LUC7L2: variants seen among roughly 807,000 people sequenced by gnomAD.
The protein encoded by LUC7L2 is putative RNA-binding protein Luc7-like 2.
LUC7L2 carries 25 observed loss-of-function variants against 52.8 expected under a neutral mutation model. That is an observed-to-expected ratio of 0.47 (90% CI 0.34 to 0.66). LUC7L2 has a LOEUF of 0.66. Among genes scored for constraint, LUC7L2 ranks in the 30% least tolerant of loss-of-function variants. LUC7L2 has a pLI of 0.01. For synonymous variants in LUC7L2, 144 were observed against 160.9 expected, an observed-to-expected ratio of 0.89 and a Z score of 0.80; for missense variants, 328 against 497.8, an observed-to-expected ratio of 0.66 and a Z score of 3.25.
At chr7:139,387,257 G>C (rs188064769) in intron 2 of LUC7L2, among the ~76,000 whole-genome samples, 1 of 152,084 alleles carries the variant, frequency 6.6e-6, no homozygotes, top group African/African-American at 2.4e-5. Context: ...GCAGTGGCGC[G>C]ATCTCGGCTC....
chr7:139,340,636 G>C (rs9655911), intron 1 of LUC7L2: 29,693 of 396,700 alleles, frequency 0.075, 3,517 homozygotes, highest in African/African-American at 0.36. Context: ...CGAAAATGAA[G>C]TGACGATGAC....
chr7:139,353,528 T>A (rs938763291), intron 1 of LUC7L2, among the ~76,000 whole-genome samples: 2 of 152,122 alleles, frequency 1.3e-5, no homozygotes, highest in Non-Finnish European at 1.5e-5. Flanking sequence ...CTAAGATGAA[T>A]ACATGGTTAC....
At chr7:139,366,845 A>G (rs951005578) in intron 1 of LUC7L2, among the ~76,000 whole-genome samples, 10 of 152,180 alleles carry the variant, frequency 6.6e-5, no homozygotes, top group African/African-American at 2.4e-4. Flanking sequence ...GAAATTCTGG[A>G]TATGGGCCCC....
chr7:139,380,036 G>A lies in LUC7L2; in HGVS notation c.156+3880G>A, dbSNP rs28716784. 9.5e-3 allele frequency among the ~76,000 whole-genome samples: 1,434 copies of A among 151,400 alleles called. 26 individuals are homozygous for A. Among genetic ancestry groups the A allele is most frequent in the African/African-American group, 0.033 (1,364 of 41,380 alleles). On this transcript the variant is annotated intron_variant, in intron 2 of 9. Coordinates refer to ENST00000354926, the MANE Select transcript of LUC7L2 (RefSeq NM_016019.5). ...CTACTGAAAATACAAAAAATTAGCC[G>A]GGCGTAGTGGCCCGCACCTGTAATC...
At chr7:139,351,248 G>A (rs1277129186) in intron 1 of LUC7L2, among the ~76,000 whole-genome samples, 2 of 152,184 alleles carry the variant, frequency 1.3e-5, no homozygotes, top group Non-Finnish European at 2.9e-5. Context: ...CAAATTCAAT[G>A]TGTGCGAAAT....
intron 5 of LUC7L2, among the ~76,000 whole-genome samples, chr7:139,406,960 G>A: frequency 6.9e-6 from 1 of 145,958 alleles, no homozygotes; most frequent in East Asian, 2.0e-4. Context: ...GGGGATAAAG[G>A]GAACCTATAA....
chr7:139,398,513 A>G, intron 2 of LUC7L2, 86 bp from the exon 3 acceptor site: 1 of 1,046,596 alleles, frequency 9.6e-7, no homozygotes, highest in Non-Finnish European at 1.3e-6. Context: ...ATGACTTAAT[A>G]TGTATTCTGA....
At chr7:139,359,543 G>A (rs1201622364), upstream of LUC7L2, 2 of 296,942 alleles carry the variant, frequency 6.7e-6, no homozygotes, top group Non-Finnish European at 1.2e-5. Flanking sequence ...CAGTCCGGTC[G>A]ACGATGGGCA....
rs1228074085 is a variant in LUC7L2 at position 139,415,064 on chromosome 7, T to G, written c.810-2474T>G. ...ACCATGCCCTGCTAAGTTTTTTTTT[T>G]TTTTTTTTTTTTTTTTTTTGTATTT... is the stretch of plus-strand genomic sequence containing the variant. On this transcript the variant is annotated intron_variant, in intron 8 of 9. Transcript: ENST00000354926. 4.9e-5 allele frequency among the ~76,000 whole-genome samples: 7 copies of G among 143,698 alleles called. No homozygotes were observed. In the Middle Eastern group the frequency reaches 0.01, roughly 214 times the overall value. The allele number at this position is 143,698 out of a possible 152,430, so 94.3% of individuals were successfully genotyped here. A position where few individuals can be genotyped will look rare whatever the true frequency, so the allele number is the denominator to read the frequency against.
chr7:139,386,677 A>G (rs1390716778), intron 2 of LUC7L2, among the ~76,000 whole-genome samples: 1 of 152,000 alleles, frequency 6.6e-6, no homozygotes, highest in Non-Finnish European at 1.5e-5. Context: ...AAGTGCTGGG[A>G]TTACAGGCAT....
chr7:139,379,073 T>G (rs1408490595), intron 2 of LUC7L2, among the ~76,000 whole-genome samples: 1 of 152,228 alleles, frequency 6.6e-6, no homozygotes, highest in Non-Finnish European at 1.5e-5. Context: ...GTCGGGCTGG[T>G]CTTGAACTCT....
intron 1 of LUC7L2, chr7:139,345,986 C>G (rs1398202657): frequency 4.9e-6 from 1 of 204,760 alleles, no homozygotes; most frequent in Non-Finnish European, 9.8e-6. Flanking sequence ...GCCTGTAATC[C>G]CAGCACTTTG....
chr7:139,407,008 T>TTTG (rs1170860307), intron 5 of LUC7L2, among the ~76,000 whole-genome samples, 166 bp from the exon 6 acceptor site: 2 of 147,284 alleles, frequency 1.4e-5, no homozygotes, highest in African/African-American at 2.5e-5. Flanking sequence ...GTGGTTTTTT[T>TTTG]TTTTTTTTTT....
chr7:139,375,092 A>G (rs566141494), intron 1 of LUC7L2: 6 of 984,302 alleles, frequency 6.1e-6, no homozygotes, highest in South Asian at 9.4e-5. Flanking sequence ...TTATCATTCT[A>G]TATAGAAAGA....
chr7:139,411,690 G>A (rs889394645), intron 7 of LUC7L2, among the ~76,000 whole-genome samples: 16 of 152,082 alleles, frequency 1.1e-4, no homozygotes, highest in Admixed American at 7.9e-4. Flanking sequence ...TTCATTGAGC[G>A]TTACCTGTGT....
intron 2 of LUC7L2, among the ~76,000 whole-genome samples, chr7:139,378,199 A>G (rs1416885270): frequency 1.3e-5 from 2 of 152,194 alleles, no homozygotes; most frequent in African/African-American, 4.8e-5. Context: ...AATCTATGAA[A>G]TCTATCATTG....
chr7:139,363,216 G>T, intron 1 of LUC7L2: 1 of 985,384 alleles, frequency 1.0e-6, no homozygotes, highest in Non-Finnish European at 1.2e-6. Context: ...ACTGAAAATC[G>T]TGCCGATGCC....
chr7:139,381,253 G>T (rs531129096), intron 2 of LUC7L2, among the ~76,000 whole-genome samples: 1 of 152,010 alleles, frequency 6.6e-6, no homozygotes, highest in Admixed American at 6.6e-5. Flanking sequence ...GTTATCCAGG[G>T]CAGTGACTTT....
In LUC7L2 at chr7:139,376,051, C is replaced by T. The variant is rs756831517; in HGVS notation, c.62-11C>T. The T allele has an allele frequency of 1.9e-6, 3 of 1,613,016 alleles. No homozygotes were observed. Among genetic ancestry groups the T allele is most frequent in the Admixed American group, 1.7e-5 (1 of 59,988 alleles). ...CTAACCTTGAATGTTATTAACTCTT[C>T]TATATTACAGGAGATACAACTCGTC... On this transcript the variant is annotated splice_polypyrimidine_tract_variant and intron_variant, in intron 1 of 9. Coordinates refer to ENST00000354926, the MANE Select transcript of LUC7L2 (RefSeq NM_016019.5).
Sources: allele counts gnomAD v4.1 joint callset (sites outside exome capture counted in the v4.1 genomes callset), GRCh38; gene constraint gnomAD v4.1.1; transcripts MANE v1.5; gene names NCBI Gene and HGNC (gene_info 2026-07-23, HGNC 2026-07-21).